The following HDAC9 variants were observed in gnomAD, a reference collection of about 807,000 sequenced individuals.
HDAC9 encodes the protein MEF-2 interacting transcription repressor (MITR) protein.
A neutral mutation model predicts 139.4 loss-of-function variants in HDAC9; 41 were observed. That is an observed-to-expected ratio of 0.29 (90% CI 0.23 to 0.38). The LOEUF (loss-of-function observed/expected upper bound fraction) is 0.38. HDAC9 is among the 10% of genes least tolerant of loss of function. The pLI, the probability that HDAC9 is intolerant of heterozygous loss-of-function variation, is 1.00. For synonymous variants in HDAC9, 517 were observed against 476.2 expected, an observed-to-expected ratio of 1.09 and a Z score of -1.12; for missense variants, 1,147 against 1,297.0, an observed-to-expected ratio of 0.88 and a Z score of 1.78.
At chr7:18,470,553 A>T (rs1794645334) in intron 1 of HDAC9, among the ~76,000 whole-genome samples, 1 of 152,322 alleles carries the variant, frequency 6.6e-6, no homozygotes, top group East Asian at 1.9e-4. Context: ...TTAAGGCAGG[A>T]GTTGGCAAAC....
At chr7:18,092,451 T>G (rs1782231168) in intron 1 of HDAC9, among the ~76,000 whole-genome samples, 1 of 151,800 alleles carries the variant, frequency 6.6e-6, no homozygotes, top group Non-Finnish European at 1.5e-5. Flanking sequence ...AGACCTGACT[T>G]TGAAGCCACT....
intron 8 of HDAC9, among the ~76,000 whole-genome samples, chr7:18,637,389 A>T (rs1784232553): frequency 6.6e-6 from 1 of 152,222 alleles, no homozygotes; most frequent in South Asian, 2.1e-4. Flanking sequence ...ATACTGTTTT[A>T]ATCTGTTTTA....
chr7:18,141,957 T>A (rs755897595), intron 1 of HDAC9, among the ~76,000 whole-genome samples: 7 of 152,184 alleles, frequency 4.6e-5, no homozygotes, highest in Non-Finnish European at 1.0e-4. Flanking sequence ...GAATACCCTA[T>A]CAGTTCATTG....
chr7:18,546,423 T>C (rs570220108), intron 2 of HDAC9, among the ~76,000 whole-genome samples: 1 of 152,260 alleles, frequency 6.6e-6, no homozygotes, highest in South Asian at 2.1e-4. Context: ...TCCAAGTTCT[T>C]ATGAGGATTA....
chr7:18,620,712 G>A (rs931660114), intron 6 of HDAC9, among the ~76,000 whole-genome samples: 8 of 152,072 alleles, frequency 5.3e-5, no homozygotes, highest in Non-Finnish European at 1.2e-4. Context: ...TAGATGCTAA[G>A]GAAAAATGCC....
intron 22 of HDAC9, among the ~76,000 whole-genome samples, chr7:18,930,359 C>G (rs1177370764): frequency 6.6e-6 from 1 of 152,124 alleles, no homozygotes; most frequent in East Asian, 1.9e-4. Flanking sequence ...GTAGGATGAG[C>G]TTTTGTGTCT....
At chr7:18,947,374 A>C (rs1200990735) in intron 23 of HDAC9, among the ~76,000 whole-genome samples, 1 of 151,980 alleles carries the variant, frequency 6.6e-6, no homozygotes, top group Non-Finnish European at 1.5e-5. Flanking sequence ...ACCAACAAAG[A>C]AAAAGCATGC....
chr7:18,860,762 G>C lies in HDAC9; in HGVS notation c.2685-13716G>C, dbSNP rs140987091. Among the ~76,000 whole-genome samples the C allele has an allele frequency of 2.5e-3, 374 of 152,282 alleles. 2 individuals carry two copies. Among genetic ancestry groups the C allele is most frequent in the African/African-American group, 8.6e-3 (358 of 41,564 alleles). ...TAAAACTAAAAGTTGCTATGGAGCT[G>C]ACCTCCTTGTCAGCACCCACTGGAA... On this transcript the variant is annotated intron_variant, in intron 21 of 25. Coordinates refer to ENST00000686413, the MANE Select transcript of HDAC9 (RefSeq NM_178425.4).
chr7:18,750,763 G>C (rs1049804615), intron 14 of HDAC9, among the ~76,000 whole-genome samples: 7 of 152,186 alleles, frequency 4.6e-5, no homozygotes, highest in Non-Finnish European at 7.4e-5. Context: ...AGAATTATTT[G>C]TGGTAGGCTG....
chr7:18,536,439 A>G (rs1298155839), intron 2 of HDAC9, among the ~76,000 whole-genome samples: 1 of 152,256 alleles, frequency 6.6e-6, no homozygotes, highest in East Asian at 1.9e-4. Context: ...GATTTGGAGA[A>G]CAATTACGTA....
chr7:18,563,329 C>CT (rs576836986), intron 2 of HDAC9, among the ~76,000 whole-genome samples: 6 of 151,346 alleles, frequency 4.0e-5, no homozygotes, highest in Admixed American at 6.6e-5. Context: ...TCAAAGTCAT[C>CT]TTTTTTTTTC....
At chr7:18,781,335 CT>C (rs1464191622) in intron 16 of HDAC9, among the ~76,000 whole-genome samples, 1 of 151,994 alleles carries the variant, frequency 6.6e-6, no homozygotes, top group African/African-American at 2.4e-5. Flanking sequence ...AACCCCAGCT[CT>C]TCATCTCATC....
chr7:18,843,845 C>G (rs564745986), intron 21 of HDAC9, among the ~76,000 whole-genome samples: 7 of 152,148 alleles, frequency 4.6e-5, no homozygotes, highest in African/African-American at 1.4e-4. Flanking sequence ...TAATGGCTTA[C>G]TAGTATTAAA....
At chr7:18,925,870 T>C (rs76234066) in intron 22 of HDAC9, among the ~76,000 whole-genome samples, 3,900 of 152,122 alleles carry the variant, frequency 0.026, 156 homozygotes, top group African/African-American at 0.089. Context: ...ATAGCAGATA[T>C]ATCATAAGAG....
intron 1 of HDAC9, among the ~76,000 whole-genome samples, chr7:18,138,558 G>GCACACGCA (rs1312774295): frequency 1.4e-5 from 2 of 144,714 alleles, no homozygotes; most frequent in African/African-American, 5.7e-5. Flanking sequence ...GTGTGTGTGT[G>GCACACGCA]TGTGTGCACA....
intron 16 of HDAC9, among the ~76,000 whole-genome samples, chr7:18,773,361 G>T (rs1007241855): frequency 8.4e-6 from 1 of 118,852 alleles, no homozygotes; most frequent in African/African-American, 3.1e-5. Context: ...TTAAAAAACT[G>T]TATACACACA....
intron 24 of HDAC9, 57 bp downstream of exon 24, chr7:18,954,287 A>T: frequency 9.2e-7 from 1 of 1,086,002 alleles, no homozygotes; most frequent in South Asian, 1.4e-5. Flanking sequence ...CTAAAATTAT[A>T]TTGAAAATTA....
chr7:18,266,222 G>T (rs1795988359), intron 2 of HDAC9, among the ~76,000 whole-genome samples: 1 of 152,020 alleles, frequency 6.6e-6, no homozygotes, highest in Non-Finnish European at 1.5e-5. Flanking sequence ...TCTAAGTATT[G>T]ACAAGATATC....
At chr7:18,751,389 A>C (rs894869302) in intron 14 of HDAC9, among the ~76,000 whole-genome samples, 1 of 152,140 alleles carries the variant, frequency 6.6e-6, no homozygotes, top group Non-Finnish European at 1.5e-5. Flanking sequence ...AAAACATGGC[A>C]ACAATGCAAA....
Sources: gnomAD v4.1 joint callset for allele counts (sites outside exome capture counted in the v4.1 genomes callset) on GRCh38, gnomAD v4.1.1 for gene constraint, MANE v1.5 for transcripts, NCBI Gene and HGNC (gene_info 2026-07-23, HGNC 2026-07-21) for gene names.